LDB3: variants seen among roughly 807,000 people sequenced by gnomAD.
LDB3 encodes LIM domain-binding protein 3.
LDB3 carries 49 observed loss-of-function variants against 69.0 expected under a neutral mutation model. The observed-to-expected ratio is 0.71, with a 90% CI of 0.56 to 0.90. LDB3 has a LOEUF of 0.90. Ranked by LOEUF, LDB3 falls within the 40% of genes least tolerant of loss-of-function variation. The pLI is 0.00. For synonymous variants in LDB3, 387 were observed against 396.2 expected, an observed-to-expected ratio of 0.98 and a Z score of 0.28; for missense variants, 928 against 974.1, an observed-to-expected ratio of 0.95 and a Z score of 0.63.
chr10:86,728,586 G>GTTT (rs201899694), intron 13 of LDB3, among the ~76,000 whole-genome samples: 15 of 131,448 alleles, frequency 1.1e-4, no homozygotes, highest in East Asian at 7.0e-4. Flanking sequence ...TGGTTCTTTT[G>GTTT]TTTTTTTTTT....
At position 86,691,998 on chromosome 10, in the gene LDB3, A is replaced by G. The variant is rs1589644038; in HGVS notation, c.792A>G (p.Ala264=). ...NKPEDEADEW[A]RRSSNLQSRS... ...CAGAAGATGAGGCTGACGAGTGGGC[A>G]CGCCGTTCCTCCAACCTGCAGTCTC... Residue 264 remains alanine, a synonymous_variant, in exon 6 of 14, where the codon GCA becomes GCG. Coordinates refer to ENST00000361373, the MANE Select transcript of LDB3 (RefSeq NM_007078.3). 3 of 1,614,184 alleles carry G rather than the reference A, an allele frequency of 1.9e-6. No homozygotes were observed. The highest frequency in any genetic ancestry group is 2.5e-6 in the Non-Finnish European group (3 of 1,180,048).
intron 5 of LDB3, among the ~76,000 whole-genome samples, chr10:86,686,170 G>C (rs928032570): frequency 6.6e-6 from 1 of 152,192 alleles, no homozygotes; most frequent in African/African-American, 2.4e-5. Flanking sequence ...CTGGACTTGA[G>C]GGGGCCTGGG....
In LDB3 at chr10:86,687,270, T is replaced by C. The variant is rs71473272; in HGVS notation, c.690-4626T>C. 4.4e-3 allele frequency: 7,163 copies of C among 1,613,964 alleles called. 45 individuals carry two copies. Among genetic ancestry groups the C allele is most frequent in the Middle Eastern group, 0.015 (91 of 6,058 alleles). On this transcript the variant is annotated intron_variant, in intron 5 of 13. Coordinates refer to ENST00000361373, the MANE Select transcript of LDB3 (RefSeq NM_007078.3). ...CCCAAGCCCAAGGCAGTGACTTCAGTGGGTAAGCGCCTCCCTCCTCCACCG... is the reference window on the plus strand; with the variant it reads ...CCCAAGCCCAAGGCAGTGACTTCAGCGGGTAAGCGCCTCCCTCCTCCACCG...
chr10:86,675,145 C>G (rs537170221), intron 2 of LDB3, among the ~76,000 whole-genome samples: 1 of 152,172 alleles, frequency 6.6e-6, no homozygotes, highest in Admixed American at 6.5e-5. Flanking sequence ...TGGCTACTGA[C>G]CAGACCCCAG....
rs750145123 is a variant in LDB3 at position 86,692,075 on chromosome 10, G to C, written c.859+10G>C. ...ACGGGGACAGAATTCAGTGAGTGCA[G>C]GCTCTCAGGGTGGCTGCAGAGGAGG... On this transcript the variant is annotated intron_variant, in intron 6 of 13. Transcript: ENST00000361373. The C allele has an allele frequency of 6.2e-7, 1 of 1,613,876 alleles. No individual in the cohort carries two copies. The highest frequency in any genetic ancestry group is 2.2e-5 in the East Asian group (1 of 44,876).
intron 8 of LDB3, 119 bp downstream of exon 8, chr10:86,706,838 A>T: frequency 9.6e-7 from 1 of 1,038,062 alleles, no homozygotes; most frequent in African/African-American, 1.6e-5. Context: ...GCCTAGAGGA[A>T]GCCAAGGCCA....
rs112537212 is a variant in LDB3 at position 86,668,870 on chromosome 10, T to G, written c.93+86T>G. The stretch of plus-strand genomic sequence containing the variant: ...GTGTGTCCGTCTGTCTGTCTGTCCT[T>G]TCTGAGCCTCTCAGAAAGCAGAGCA... On this transcript the variant is annotated intron_variant, in intron 2 of 13. Coordinates refer to ENST00000361373, the MANE Select transcript of LDB3 (RefSeq NM_007078.3). The G allele has an allele frequency of 1.0e-4, 107 of 1,040,970 alleles. 5 individuals are homozygous for G. Among genetic ancestry groups the G allele is most frequent in the African/African-American group, 1.0e-3 (65 of 64,076 alleles). The allele number at this position is 1,040,970 out of a possible 1,614,324, so 64.5% of individuals were successfully genotyped here. A position where few individuals can be genotyped will look rare whatever the true frequency, so the allele number is the denominator to read the frequency against.
In LDB3 at chr10:86,687,214, G is replaced by C. The variant is rs1000020884; in HGVS notation, c.690-4682G>C. On this transcript the variant is annotated intron_variant, in intron 5 of 13. Transcript: ENST00000361373. ...CACGCCCATCAGCATGTATTCCCAG[G>C]ATGCCATCATGGATGCCATCGCTGG... 9.3e-6 allele frequency: 15 copies of C among 1,614,100 alleles called. No individual in the cohort carries two copies. The highest frequency in any genetic ancestry group is 1.1e-5 in the Non-Finnish European group (13 of 1,180,058).
intron 5 of LDB3, among the ~76,000 whole-genome samples, chr10:86,688,044 G>A (rs376279317): frequency 1.6e-4 from 7 of 43,080 alleles, no homozygotes; most frequent in Non-Finnish European, 4.2e-4. Context: ...TCCCTCCCCC[G>A]ACCCTCGTGT....
At chr10:86,690,870 C>G (rs575706297) in intron 5 of LDB3, among the ~76,000 whole-genome samples, 8 of 152,230 alleles carry the variant, frequency 5.3e-5, no homozygotes, top group Non-Finnish European at 1.2e-4. Context: ...CAATGGGGCC[C>G]TTATCTGCTG....
At chr10:86,704,076 TGCACTCCA>T (rs1366413306) in intron 7 of LDB3, among the ~76,000 whole-genome samples, 3 of 151,252 alleles carry the variant, frequency 2.0e-5, no homozygotes, top group African/African-American at 7.3e-5. Flanking sequence ...ATCGCGACAT[TGCACTCCA>T]GCCTGGGCAA....
chr10:86,687,070 G>T lies in LDB3; in HGVS notation c.690-4826G>T. On this transcript the variant is annotated intron_variant, in intron 5 of 13. Transcript: ENST00000361373. ...CGTACTCCCGCACCCCTCCCCCAGC[G>T]CCGACTACCAGGAACGCTTCAACCC... 1.2e-6 allele frequency: 2 copies of T among 1,613,760 alleles called. No homozygotes were observed. Among genetic ancestry groups the T allele is most frequent in the Non-Finnish European group, 1.7e-6 (2 of 1,179,838 alleles).
At chr10:86,675,532 C>T (rs753967273) in intron 2 of LDB3, among the ~76,000 whole-genome samples, 1 of 152,382 alleles carries the variant, frequency 6.6e-6, no homozygotes, top group South Asian at 2.1e-4. Context: ...GACCCCTTCT[C>T]TGTAGATGGG....
intron 4 of LDB3, 135 bp from the exon 5 acceptor site, chr10:86,681,301 C>T (rs1425042947): frequency 2.2e-5 from 29 of 1,321,216 alleles, no homozygotes; most frequent in South Asian, 4.9e-5. Context: ...CCAAGTGCTG[C>T]GCCCAGGCGC....
intron 12 of LDB3, among the ~76,000 whole-genome samples, chr10:86,723,695 C>G (rs866317239): frequency 6.6e-6 from 1 of 152,146 alleles, no homozygotes; most frequent in African/African-American, 2.4e-5. Flanking sequence ...GGAAGCAGAA[C>G]GATGTTTTCT....
Position 86,733,869 on chromosome 10 carries a change from T to G in LDB3, c.*893T>G, listed in dbSNP as rs907008615. Reference sequence around the variant, plus strand: ...TAGCATGAGTGTCCAGTCGTGTGCATGAATTTCACCCCAACTTGTGACTGC... The same window carrying G: ...TAGCATGAGTGTCCAGTCGTGTGCAGGAATTTCACCCCAACTTGTGACTGC... On this transcript the variant is annotated 3_prime_UTR_variant, in exon 14 of 14. Transcript: ENST00000361373. 6.6e-6 allele frequency: 1 copy of G among 152,230 alleles called. No individual in the cohort carries two copies. Among genetic ancestry groups the G allele is most frequent in the Admixed American group, 6.5e-5 (1 of 15,274 alleles). 9.4% of individuals were successfully genotyped at this position (152,230 alleles called of 1,614,324 possible). A position where few individuals can be genotyped will look rare whatever the true frequency, so the allele number is the denominator to read the frequency against.
chr10:86,728,586 G>GTTTTTTTTTTTGTTTT lies in LDB3; in HGVS notation c.2094+2345_2094+2346insGTTTTTTTTTTTTTTT, dbSNP rs11271876. ...TAGCAAAGTGGAACATGGTTCTTTTGTTTTTTTTTTTTTTTGAGACAAAGT... is the reference window on the plus strand; with the variant it reads ...TAGCAAAGTGGAACATGGTTCTTTTGTTTTTTTTTTTGTTTTTTTTTTTTTTTTTTTGAGACAAAGT... On this transcript the variant is annotated intron_variant, in intron 13 of 13. Transcript: ENST00000361373. Among the ~76,000 whole-genome samples, 432 of 131,396 alleles carry GTTTTTTTTTTTGTTTT rather than the reference G, an allele frequency of 3.3e-3. 10 individuals are homozygous for GTTTTTTTTTTTGTTTT. Among genetic ancestry groups the GTTTTTTTTTTTGTTTT allele is most frequent in the South Asian group, 0.011 (43 of 4,044 alleles). 86.2% of individuals were successfully genotyped at this position (131,396 alleles called of 152,430 possible). A position where few individuals can be genotyped will look rare whatever the true frequency, so the allele number is the denominator to read the frequency against.
rs1204607278 is a variant in LDB3 at position 86,709,906 on chromosome 10, C to A, written c.1087C>A (p.Pro363Thr). ...TAACCCCTCCCCGCTTGGTTCCAGG[C>A]CCCAGGCCTCTTCCTACAGCCCCGC... ...PASSPADSPR[P>T]QASSYSPAVA... Residue 363 changes from proline (P) to threonine (T), a missense_variant and splice_region_variant, in exon 9 of 14, where the codon CCC (proline) becomes ACC (threonine). Physicochemically the swap from Pro to Thr is conservative, Grantham distance 38. Coordinates refer to ENST00000361373, the MANE Select transcript of LDB3 (RefSeq NM_007078.3). The A allele has an allele frequency of 6.2e-7, 1 of 1,609,932 alleles. No individual in the cohort carries two copies. Among genetic ancestry groups the A allele is most frequent in the Non-Finnish European group, 8.5e-7 (1 of 1,179,944 alleles).
chr10:86,706,233 A>C lies in LDB3; in HGVS notation c.897-298A>C, dbSNP rs117230487. Among the ~76,000 whole-genome samples, 1,601 of 151,466 alleles carry C rather than the reference A, an allele frequency of 0.011. 17 individuals carry two copies. Among genetic ancestry groups the C allele is most frequent in the Non-Finnish European group, 0.019 (1,282 of 67,788 alleles). On this transcript the variant is annotated intron_variant, in intron 7 of 13. Transcript: ENST00000361373. ...CTACCACACTGTTTTGCTGAAAAAG[A>C]AAAATTAGGAAGTACAGAAAAATTT...
Sources: gnomAD v4.1 joint callset for allele counts (sites outside exome capture counted in the v4.1 genomes callset) on GRCh38, gnomAD v4.1.1 for gene constraint, MANE v1.5 for transcripts, NCBI Gene and HGNC (gene_info 2026-07-23, HGNC 2026-07-21) for gene names.